RFX3: variants seen among roughly 807,000 people sequenced by gnomAD.
RFX3 encodes the protein transcription factor RFX3.
RFX3 carries 14 observed loss-of-function variants against 98.6 expected under a neutral mutation model. The observed-to-expected ratio is 0.14, with a 90% CI of 0.09 to 0.22. The LOEUF (loss-of-function observed/expected upper bound fraction) is 0.22. RFX3 is among the 10% of genes least tolerant of loss of function. The pLI is 1.00. For synonymous variants in RFX3, 383 were observed against 328.4 expected (o/e 1.17, Z -1.80); for missense variants, 639 against 926.9 (o/e 0.69, Z 4.03).
At chr9:3,396,215 G>A (rs1245995922) in intron 1 of RFX3, among the ~76,000 whole-genome samples, 2 of 151,296 alleles carry the variant, frequency 1.3e-5, no homozygotes, top group South Asian at 2.1e-4. Flanking sequence ...AACAGGCCCC[G>A]ATGTGTGATG....
At chr9:3,233,060 C>T (rs1268891281) in intron 15 of RFX3, among the ~76,000 whole-genome samples, 1 of 152,204 alleles carries the variant, frequency 6.6e-6, no homozygotes, top group African/African-American at 2.4e-5. Flanking sequence ...AGAAGAAATA[C>T]TTCCTATCCT....
chr9:3,434,548 A>T (rs1043193325), intron 1 of RFX3, among the ~76,000 whole-genome samples: 1 of 152,086 alleles, frequency 6.6e-6, no homozygotes, highest in Non-Finnish European at 1.5e-5. Flanking sequence ...ATTTCCTTAA[A>T]CTTTCTACAG....
intron 16 of RFX3, 116 bp from the exon 17 acceptor site, chr9:3,225,396 T>G: frequency 9.0e-6 from 13 of 1,439,944 alleles, no homozygotes; most frequent in Non-Finnish European, 1.2e-5. Flanking sequence ...GCTTAGCTCT[T>G]CTCAGGAAAC....
At chr9:3,504,872 ATATATAT>A (rs1564185277) in intron 1 of RFX3, among the ~76,000 whole-genome samples, 2 of 75,868 alleles carry the variant, frequency 2.6e-5, no homozygotes, top group Non-Finnish European at 4.0e-5. Context: ...AATATATATT[ATATATAT>A]TATATATAAT....
At chr9:3,505,792 G>A (rs1029561025) in intron 1 of RFX3, among the ~76,000 whole-genome samples, 1 of 147,134 alleles carries the variant, frequency 6.8e-6, no homozygotes, top group East Asian at 2.0e-4. Context: ...CTACCCCCCT[G>A]CTTCTCACAT....
chr9:3,298,930 G>A (rs1358264113), intron 5 of RFX3, among the ~76,000 whole-genome samples: 3 of 151,596 alleles, frequency 2.0e-5, no homozygotes, highest in Admixed American at 6.6e-5. Flanking sequence ...TTAGAAACAG[G>A]TAAAATACGG....
At chr9:3,264,430 T>C (rs1001297851) in intron 12 of RFX3, among the ~76,000 whole-genome samples, 1 of 152,148 alleles carries the variant, frequency 6.6e-6, no homozygotes, top group Non-Finnish European at 1.5e-5. Context: ...GGATGCTCTA[T>C]CTTGACATGA....
rs188548464 is a variant in RFX3, at chr9:3,283,046, G to C, written c.851+5085C>G. ...ATTACTATAGTTTGGTAGTTATTGAGTTGTGATTATTTATGTTTCTCCTCT... is the reference window on the plus strand; with the variant it reads ...ATTACTATAGTTTGGTAGTTATTGACTTGTGATTATTTATGTTTCTCCTCT... On this transcript the variant is annotated intron_variant, in intron 7 of 16. Coordinates refer to ENST00000617270, the MANE Select transcript of RFX3 (RefSeq NM_001282116.2). 5.9e-5 allele frequency among the ~76,000 whole-genome samples: 9 copies of C among 151,860 alleles called. No individual in the cohort carries two copies. In the East Asian group the frequency reaches 1.5e-3, roughly 26 times the overall value.
rs1825367424 is a variant in RFX3 at position 3,277,370 on chromosome 9, C to A, written c.943G>T (p.Ala315Ser). The change falls in exon 8 of 17, where the codon GCC becomes TCC. Residue 315 changes from alanine (A) to serine (S), a missense_variant. By Grantham distance (99) the Ala-to-Ser change is moderately conservative. This residue lies in a region of RFX3 where 86 missense variants were observed against 113.2 expected (regional missense o/e 0.76). Transcript: ENST00000617270. ...TGTSVEQTVI[A>S]QSQHHQQFLD... is the part of the protein sequence containing the mutation. ...AACTGTTGATGATGTTGGCTTTGGG[C>A]AATTACAGTTTGCTCAACAGATGTG... 1 of 1,612,756 alleles carries A rather than the reference C, an allele frequency of 6.2e-7. No homozygotes were observed. The highest frequency in any genetic ancestry group is 8.5e-7 in the Non-Finnish European group (1 of 1,179,062).
chr9:3,372,879 C>A (rs1466995467), intron 2 of RFX3, among the ~76,000 whole-genome samples: 5 of 152,116 alleles, frequency 3.3e-5, no homozygotes, highest in African/African-American at 1.2e-4. Context: ...AGCCACTGTG[C>A]CTGGCCTCAC....
At chr9:3,275,016 G>A (rs577544645) in intron 9 of RFX3, among the ~76,000 whole-genome samples, 111 of 152,002 alleles carry the variant, frequency 7.3e-4, no homozygotes, top group African/African-American at 2.5e-3. Flanking sequence ...AAATCTCGAA[G>A]TGATCCATTT....
At chr9:3,459,979 G>A (rs552872421) in intron 1 of RFX3, among the ~76,000 whole-genome samples, 3 of 151,896 alleles carry the variant, frequency 2.0e-5, no homozygotes, top group Non-Finnish European at 4.4e-5. Flanking sequence ...TGTAATCGAG[G>A]AAAGGGGTTT....
At chr9:3,225,532 C>CT (rs59863314) in intron 16 of RFX3, among the ~76,000 whole-genome samples, 5 of 150,274 alleles carry the variant, frequency 3.3e-5, no homozygotes, top group Middle Eastern at 3.5e-3. Context: ...ACTTTGTTAA[C>CT]TTTTTTAAAA....
chr9:3,328,071 C>T (rs1832131693), intron 4 of RFX3, among the ~76,000 whole-genome samples: 1 of 151,858 alleles, frequency 6.6e-6, no homozygotes, highest in Non-Finnish European at 1.5e-5. Flanking sequence ...AGTAGGAATA[C>T]CTAGAAGAGG....
At chr9:3,288,775 T>C (rs1586893658) in intron 6 of RFX3, among the ~76,000 whole-genome samples, 1 of 152,264 alleles carries the variant, frequency 6.6e-6, no homozygotes, top group Non-Finnish European at 1.5e-5. Context: ...AATTGTCTGT[T>C]ACAAAATGTT....
At chr9:3,362,071 G>T (rs1222314192) in intron 2 of RFX3, among the ~76,000 whole-genome samples, 1 of 152,186 alleles carries the variant, frequency 6.6e-6, no homozygotes, top group African/African-American at 2.4e-5. Flanking sequence ...TACTTCATGA[G>T]CACAGGATCA....
At chr9:3,491,891 T>C (rs146929003) in intron 1 of RFX3, among the ~76,000 whole-genome samples, 3 of 152,186 alleles carry the variant, frequency 2.0e-5, no homozygotes, top group African/African-American at 7.2e-5. Context: ...AAATTAAATA[T>C]ATAATACAGT....
intron 1 of RFX3, among the ~76,000 whole-genome samples, chr9:3,495,269 T>C (rs557789206): frequency 3.3e-5 from 5 of 152,120 alleles, no homozygotes; most frequent in African/African-American, 1.2e-4. Flanking sequence ...GTATGAATCG[T>C]CACTGAGCTA....
chr9:3,332,243 T>A (rs1472647462), intron 3 of RFX3, among the ~76,000 whole-genome samples: 1 of 152,208 alleles, frequency 6.6e-6, no homozygotes, highest in African/African-American at 2.4e-5. Flanking sequence ...GATTTTGGAA[T>A]ATTTTCATAT....
Sources: allele counts gnomAD v4.1 joint callset (sites outside exome capture counted in the v4.1 genomes callset), GRCh38; gene constraint gnomAD v4.1.1; regional missense constraint gnomAD v4.1.1; transcripts MANE v1.5; gene names NCBI Gene and HGNC (gene_info 2026-07-23, HGNC 2026-07-21).